Variants in KDM4B observed in about 807,000 individuals in gnomAD.
KDM4B encodes lysine demethylase 4B, also known as lysine-specific demethylase 4B.
In KDM4B, 32 loss-of-function variants were observed where a neutral mutation model predicts 125.2. The ratio of observed to expected loss-of-function variants is 0.26; its 90% CI spans 0.19 to 0.34. KDM4B has a LOEUF of 0.34. Ranked by LOEUF, KDM4B falls within the 10% of genes least tolerant of loss-of-function variation. KDM4B has a pLI of 1.00. For synonymous variants in KDM4B, 721 were observed against 677.9 expected (o/e 1.06, Z -0.99); for missense variants, 1,190 against 1,577.7 (o/e 0.75, Z 4.16).
At chr19:5,116,301 C>T (rs142744806) in intron 10 of KDM4B, among the ~76,000 whole-genome samples, 135 of 140,126 alleles carry the variant, frequency 9.6e-4, no homozygotes, top group African/African-American at 3.4e-3. Flanking sequence ...ATTGGATTTA[C>T]AGTCATAATG....
At chr19:5,024,687 A>C (rs992404682) in intron 2 of KDM4B, among the ~76,000 whole-genome samples, 14 of 152,092 alleles carry the variant, frequency 9.2e-5, no homozygotes, top group Non-Finnish European at 1.8e-4. Flanking sequence ...GCAGTGGCTC[A>C]TGCCTGTAAT....
rs183640366 is a variant in KDM4B, at chr19:5,004,064, C to T, written c.-108-12193C>T. On this transcript the variant is annotated intron_variant, in intron 1 of 22. Coordinates refer to ENST00000159111, the MANE Select transcript of KDM4B (RefSeq NM_015015.3). ...GTGCATTTCTCTGTGTACTTTGGTA[C>T]ACAAATGCTTCTTTGAAGTTAATAC... 1.2e-4 allele frequency among the ~76,000 whole-genome samples: 19 copies of T among 152,302 alleles called. No individual in the cohort carries two copies. In the East Asian group the frequency reaches 2.7e-3, roughly 22 times the overall value.
At chr19:5,059,296 A>G (rs1033923235) in intron 6 of KDM4B, among the ~76,000 whole-genome samples, 10 of 152,254 alleles carry the variant, frequency 6.6e-5, no homozygotes, top group Admixed American at 6.5e-4. Flanking sequence ...ACTCGCCAGC[A>G]GCAGGGGACA....
Position 5,151,846 on chromosome 19 carries a change from CCTTTGTGAGGCT to C in KDM4B, c.*340_*351del, listed in dbSNP as rs1309639472. 1.1e-5 allele frequency: 3 copies of C among 279,184 alleles called. No individual in the cohort carries two copies. Among genetic ancestry groups the C allele is most frequent in the Non-Finnish European group, 2.0e-5 (3 of 150,346 alleles). 17.3% of individuals were successfully genotyped at this position (279,184 alleles called of 1,614,324 possible). Reference sequence around the variant, plus strand: ...GATTGTCACTTCTGTACATAAACCACCTTTGTGAGGCTCTTTCTATAAATACATATTGTTTAA... The same window carrying C: ...GATTGTCACTTCTGTACATAAACCACCTTTCTATAAATACATATTGTTTAA... On this transcript the variant is annotated 3_prime_UTR_variant, in exon 23 of 23. Transcript: ENST00000159111.
chr19:5,028,473 T>C (rs2036350814), intron 2 of KDM4B, among the ~76,000 whole-genome samples: 1 of 152,238 alleles, frequency 6.6e-6, no homozygotes, highest in East Asian at 1.9e-4. Context: ...GTTGATTCAT[T>C]CTTCTGTTGG....
Position 5,078,681 on chromosome 19 carries a change from G to A in KDM4B, c.780+1211G>A, listed in dbSNP as rs1360139932. On this transcript the variant is annotated intron_variant, in intron 8 of 22. Transcript: ENST00000159111. The surrounding 1 kb of genome is among the most constrained non-coding windows in gnomAD (Gnocchi z 4.5). ...GAGGGGGGTGCCCATCGAAGGGGTG[G>A]GCAGGCAGTGAGTGGCCTGGACTCC... The A allele has an allele frequency of 6.6e-6, 1 of 152,186 alleles. No homozygotes were observed. The highest frequency in any genetic ancestry group is 1.5e-5 in the Non-Finnish European group (1 of 68,132). 9.4% of individuals were successfully genotyped at this position (152,186 alleles called of 1,614,324 possible).
At chr19:5,098,180 G>A (rs2038864363) in intron 9 of KDM4B, among the ~76,000 whole-genome samples, 1 of 152,238 alleles carries the variant, frequency 6.6e-6, no homozygotes, top group South Asian at 2.1e-4. Context: ...ATGGTCAGTA[G>A]AAGCCCCATT....
intron 1 of KDM4B, among the ~76,000 whole-genome samples, chr19:5,014,693 G>C (rs2035836531): frequency 6.6e-6 from 1 of 152,298 alleles, no homozygotes; most frequent in East Asian, 1.9e-4. Flanking sequence ...ACAGGTGTGA[G>C]CCACTGTACT....
chr19:5,146,170 AC>A (rs1568327000), intron 21 of KDM4B, among the ~76,000 whole-genome samples: 1 of 129,568 alleles, frequency 7.7e-6, no homozygotes, highest in African/African-American at 3.0e-5. Context: ...AGCATCCAGG[AC>A]CGCCTTGCCA....
At chr19:5,008,005 C>G (rs939514560) in intron 1 of KDM4B, among the ~76,000 whole-genome samples, 3 of 152,212 alleles carry the variant, frequency 2.0e-5, no homozygotes, top group Non-Finnish European at 4.4e-5. Flanking sequence ...GCTGGGTATA[C>G]TAGCTCACAT....
intron 1 of KDM4B, among the ~76,000 whole-genome samples, chr19:4,980,129 G>A (rs1002727556): frequency 1.3e-5 from 2 of 152,118 alleles, no homozygotes; most frequent in Middle Eastern, 6.8e-3. Context: ...ACAATTTAGT[G>A]GTTTTTAGTA....
intron 11 of KDM4B, among the ~76,000 whole-genome samples, chr19:5,130,566 T>C (rs2039523834): frequency 6.6e-6 from 1 of 152,258 alleles, no homozygotes; most frequent in Non-Finnish European, 1.5e-5. Context: ...TTGTGCGTTG[T>C]TCAAGGTTTT....
intron 11 of KDM4B, among the ~76,000 whole-genome samples, chr19:5,125,388 T>C (rs1437973569): frequency 6.6e-6 from 1 of 152,064 alleles, no homozygotes; most frequent in East Asian, 1.9e-4. Flanking sequence ...CCATGCGTGG[T>C]CCTGGCTGGA....
At chr19:5,047,890 G>A (rs911764991) in intron 6 of KDM4B, among the ~76,000 whole-genome samples, 1 of 152,210 alleles carries the variant, frequency 6.6e-6, no homozygotes, top group Admixed American at 6.5e-5. Flanking sequence ...GGCCCCTAGA[G>A]CTTGCGCTTT....
At chr19:5,139,624 C>T (rs1430286447) in intron 18 of KDM4B, among the ~76,000 whole-genome samples, 14 of 152,222 alleles carry the variant, frequency 9.2e-5, no homozygotes, top group Non-Finnish European at 1.6e-4. Context: ...CTAGCAGGTG[C>T]GAGGTGGTCT....
intron 9 of KDM4B, among the ~76,000 whole-genome samples, chr19:5,084,540 A>G (rs1449897453): frequency 1.0e-4 from 14 of 133,666 alleles, no homozygotes; most frequent in South Asian, 2.2e-4. Flanking sequence ...TTATTTATAT[A>G]TTATATATAA....
chr19:4,998,693 A>G (rs1443878673), intron 1 of KDM4B, among the ~76,000 whole-genome samples: 9 of 152,150 alleles, frequency 5.9e-5, no homozygotes, highest in Non-Finnish European at 1.0e-4. Context: ...CAGGATCAAC[A>G]CAGCACTCAG....
At chr19:5,067,988 TG>T (rs1188151335) in intron 6 of KDM4B, among the ~76,000 whole-genome samples, 1 of 152,160 alleles carries the variant, frequency 6.6e-6, no homozygotes, top group East Asian at 1.9e-4. Flanking sequence ...AAACCTGACT[TG>T]GTTTTACAGC....
chr19:5,134,786 A>G (rs951264043), intron 14 of KDM4B, among the ~76,000 whole-genome samples: 1 of 151,810 alleles, frequency 6.6e-6, no homozygotes, highest in Non-Finnish European at 1.5e-5. Flanking sequence ...AGCCAGGGAG[A>G]GTGCTGTGCC....
Sources: allele counts gnomAD v4.1 joint callset (sites outside exome capture counted in the v4.1 genomes callset), GRCh38; gene constraint gnomAD v4.1.1; non-coding constraint Gnocchi (gnomAD v3.1); transcripts MANE v1.5; gene names NCBI Gene and HGNC (gene_info 2026-07-23, HGNC 2026-07-21).